The following ZDHHC14 variants were observed in gnomAD, a reference collection of about 807,000 sequenced individuals.
ZDHHC14 encodes palmitoyltransferase ZDHHC14.
A neutral mutation model predicts 47.7 loss-of-function variants in ZDHHC14; 16 were observed. The ratio of observed to expected loss-of-function variants is 0.34; its 90% CI spans 0.23 to 0.51. The LOEUF (loss-of-function observed/expected upper bound fraction) is 0.51, where lower values mean the gene tolerates loss of function less well. Among genes scored for constraint, ZDHHC14 ranks in the 20% least tolerant of loss-of-function variants. The probability of loss-of-function intolerance (pLI) is 0.97; values close to 1 mark genes in which losing one functional copy is unlikely to be tolerated. For synonymous variants in ZDHHC14, 293 were observed against 278.9 expected (o/e 1.05, Z -0.50); for missense variants, 515 against 662.5 (o/e 0.78, Z 2.44).
At chr6:157,633,584 TTC>T (rs1343856006) in intron 5 of ZDHHC14, among the ~76,000 whole-genome samples, 1 of 152,204 alleles carries the variant, frequency 6.6e-6, no homozygotes, top group African/African-American at 2.4e-5. Flanking sequence ...AGTGACCCAG[TTC>T]TCTTTCTTCC....
intron 3 of ZDHHC14, among the ~76,000 whole-genome samples, chr6:157,613,972 C>T (rs1056488811): frequency 1.3e-5 from 2 of 152,206 alleles, no homozygotes; most frequent in Non-Finnish European, 2.9e-5. Flanking sequence ...GCTGACTCTT[C>T]CTCTCGTGGT....
rs539488930 is a variant in ZDHHC14 at position 157,423,957 on chromosome 6, CCAAA to C, written c.245+41696_245+41699del. 2.0e-3 allele frequency among the ~76,000 whole-genome samples: 312 copies of C among 152,312 alleles called. 3 individuals carry two copies. The highest frequency in any genetic ancestry group is 3.1e-3 in the Admixed American group (47 of 15,304). On this transcript the variant is annotated intron_variant, in intron 1 of 8. Transcript: ENST00000359775. The stretch of plus-strand genomic sequence containing the variant: ...GCATCCATCAGCGCTTGTGTAGCTC[CCAAA>C]CAAAGCCCAGCCTGGCAGGCGCTTG...
chr6:157,398,974 G>A (rs985594405), intron 1 of ZDHHC14, among the ~76,000 whole-genome samples: 2 of 152,200 alleles, frequency 1.3e-5, no homozygotes, highest in South Asian at 2.1e-4. Flanking sequence ...TACTTGAAAT[G>A]TCTGGTCGTA....
At chr6:157,405,845 T>G (rs926831987) in intron 1 of ZDHHC14, among the ~76,000 whole-genome samples, 18 of 152,202 alleles carry the variant, frequency 1.2e-4, no homozygotes, top group African/African-American at 3.6e-4. Flanking sequence ...AGACATTTTG[T>G]CATGAATTTG....
In ZDHHC14 at chr6:157,382,013, C is replaced by A; in HGVS notation, c.-9C>A. ...GGGGGTGTGCGCCCCCAGCCGGCTGCCCTCGTGGATGCCTCCCGGCGGCGG... is the reference window on the plus strand; with the variant it reads ...GGGGGTGTGCGCCCCCAGCCGGCTGACCTCGTGGATGCCTCCCGGCGGCGG... On this transcript the variant is annotated 5_prime_UTR_variant, in exon 1 of 9. Transcript: ENST00000359775. 1.4e-6 allele frequency: 2 copies of A among 1,459,182 alleles called. No homozygotes were observed. The highest frequency in any genetic ancestry group is 1.8e-6 in the Non-Finnish European group (2 of 1,104,198). 90.4% of individuals were successfully genotyped at this position (1,459,182 alleles called of 1,614,324 possible).
chr6:157,568,068 G>A (rs1782972173), intron 2 of ZDHHC14, among the ~76,000 whole-genome samples: 1 of 152,050 alleles, frequency 6.6e-6, no homozygotes, highest in African/African-American at 2.4e-5. Context: ...GAAATAGAGG[G>A]GACATCTTTC....
intron 2 of ZDHHC14, among the ~76,000 whole-genome samples, chr6:157,588,029 C>T (rs142403826): frequency 3.5e-4 from 53 of 152,182 alleles, no homozygotes; most frequent in South Asian, 3.3e-3. Context: ...CCAAGGCAGG[C>T]GGGCCACCTG....
At chr6:157,621,244 A>G (rs1275055889) in intron 3 of ZDHHC14, among the ~76,000 whole-genome samples, 1 of 152,192 alleles carries the variant, frequency 6.6e-6, no homozygotes, top group Middle Eastern at 3.2e-3. Flanking sequence ...GTGACCATAG[A>G]GGCCAGATAC....
rs943679042 is a variant in ZDHHC14, at chr6:157,385,424, C to T, written c.245+3158C>T. Among the ~76,000 whole-genome samples the T allele has an allele frequency of 4.7e-4, 72 of 152,238 alleles. 1 individual carries two copies. The highest frequency in any genetic ancestry group is 1.7e-3 in the African/African-American group (70 of 41,466). The stretch of plus-strand genomic sequence containing the variant: ...TTTTAATATTAGTAAACTTCATTGT[C>T]AAACATTAGAATTGCGTTTCCCCAG... On this transcript the variant is annotated intron_variant, in intron 1 of 8. Coordinates refer to ENST00000359775, the MANE Select transcript of ZDHHC14 (RefSeq NM_024630.3).
chr6:157,542,552 C>G lies in ZDHHC14; in HGVS notation c.246-33C>G, dbSNP rs758307976. ...CTAACATTGTATTTCCTTTCTTTTCCCCTTCTCTCCGGTCTGTCCAACCTG... is the reference window on the plus strand; with the variant it reads ...CTAACATTGTATTTCCTTTCTTTTCGCCTTCTCTCCGGTCTGTCCAACCTG... On this transcript the variant is annotated intron_variant, in intron 1 of 8. Coordinates refer to ENST00000359775, the MANE Select transcript of ZDHHC14 (RefSeq NM_024630.3). 6.9e-6 allele frequency: 11 copies of G among 1,597,704 alleles called. No individual in the cohort carries two copies. In the East Asian group the frequency reaches 2.5e-4, roughly 36 times the overall value.
At chr6:157,440,070 C>A (rs1022026195) in intron 1 of ZDHHC14, among the ~76,000 whole-genome samples, 2 of 151,948 alleles carry the variant, frequency 1.3e-5, no homozygotes, top group South Asian at 4.2e-4. Context: ...GGCTTAATAC[C>A]TAGGTGATAG....
chr6:157,527,853 C>T (rs769745185), intron 1 of ZDHHC14, among the ~76,000 whole-genome samples: 30 of 152,248 alleles, frequency 2.0e-4, no homozygotes, highest in South Asian at 6.2e-4. Context: ...CAATGTATGA[C>T]GCAAGCCTAA....
chr6:157,604,459 G>A (rs749839212), intron 3 of ZDHHC14, among the ~76,000 whole-genome samples: 5 of 152,188 alleles, frequency 3.3e-5, no homozygotes, highest in Non-Finnish European at 7.3e-5. Flanking sequence ...AGGGATGACT[G>A]TGTTTACTAG....
At chr6:157,662,077 T>C (rs1441224140) in intron 8 of ZDHHC14, among the ~76,000 whole-genome samples, 1 of 152,228 alleles carries the variant, frequency 6.6e-6, no homozygotes, top group East Asian at 1.9e-4. Context: ...TCCCCAGACA[T>C]GGCACACCAG....
At chr6:157,507,537 CT>C (rs1293754911) in intron 1 of ZDHHC14, among the ~76,000 whole-genome samples, 1 of 152,178 alleles carries the variant, frequency 6.6e-6, no homozygotes, top group Non-Finnish European at 1.5e-5. Flanking sequence ...CCACCTTGGC[CT>C]CCGAAAGTGC....
chr6:157,549,452 G>T (rs1435004781), intron 2 of ZDHHC14, among the ~76,000 whole-genome samples: 1 of 152,198 alleles, frequency 6.6e-6, no homozygotes, highest in Non-Finnish European at 1.5e-5. Flanking sequence ...GAGTGGGGGA[G>T]TCCCATCGTG....
chr6:157,533,452 G>T (rs1424697624), intron 1 of ZDHHC14, among the ~76,000 whole-genome samples: 1 of 152,004 alleles, frequency 6.6e-6, no homozygotes, highest in African/African-American at 2.4e-5. Context: ...TACAGAGATG[G>T]TGATATTTGA....
chr6:157,488,332 C>G (rs541978934), intron 1 of ZDHHC14, among the ~76,000 whole-genome samples: 3 of 152,188 alleles, frequency 2.0e-5, no homozygotes, highest in African/African-American at 7.2e-5. Flanking sequence ...GGTTTCTCCC[C>G]GACTTGAACT....
intron 2 of ZDHHC14, among the ~76,000 whole-genome samples, chr6:157,563,652 A>G (rs992575448): frequency 6.6e-6 from 1 of 152,200 alleles, no homozygotes; most frequent in African/African-American, 2.4e-5. Flanking sequence ...GTCCCCAGCC[A>G]GCAGGGGCAT....
Sources: gnomAD v4.1 joint callset for allele counts (sites outside exome capture counted in the v4.1 genomes callset) on GRCh38, gnomAD v4.1.1 for gene constraint, MANE v1.5 for transcripts, NCBI Gene and HGNC (gene_info 2026-07-23, HGNC 2026-07-21) for gene names.